FAHD2A: variants seen among roughly 807,000 people sequenced by gnomAD.
FAHD2A encodes oxaloacetate tautomerase FAHD2A, mitochondrial.
FAHD2A carries 27 observed loss-of-function variants against 33.4 expected under a neutral mutation model. The observed-to-expected ratio is 0.81, with a 90% CI of 0.60 to 1.11. FAHD2A has a LOEUF of 1.11. Among genes scored for constraint, FAHD2A ranks in the 50% most tolerant of loss-of-function variants. The pLI, the probability that FAHD2A is intolerant of heterozygous loss-of-function variation, is 0.00. For synonymous variants in FAHD2A, 130 were observed against 153.3 expected, an observed-to-expected ratio of 0.85 and a Z score of 1.12; for missense variants, 296 against 395.0, an observed-to-expected ratio of 0.75 and a Z score of 2.12.
chr2:95,413,592 A>T lies in FAHD2A; in HGVS notation c.*635A>T. 5.2e-6 allele frequency: 8 copies of T among 1,537,116 alleles called. No individual in the cohort carries two copies. The highest frequency in any genetic ancestry group is 6.1e-6 in the Non-Finnish European group (7 of 1,142,742). On this transcript the variant is annotated 3_prime_UTR_variant, in exon 8 of 8. Coordinates refer to ENST00000233379, the MANE Select transcript of FAHD2A (RefSeq NM_016044.3). ...CCTGGGCCATGGAAGATGGGCCGTGAGTGCACTCACCACAGGGACTGTGTC... is the reference window on the plus strand; with the variant it reads ...CCTGGGCCATGGAAGATGGGCCGTGTGTGCACTCACCACAGGGACTGTGTC...
chr2:95,409,784 G>C (rs891417030), intron 3 of FAHD2A, among the ~76,000 whole-genome samples: 2 of 152,204 alleles, frequency 1.3e-5, no homozygotes, highest in African/African-American at 4.8e-5. Flanking sequence ...TTTGGCCAGT[G>C]AGGGGCCTTC....
chr2:95,416,265 C>T lies in FAHD2A; in HGVS notation c.*3308C>T, dbSNP rs1240234507. The T allele has an allele frequency of 6.6e-6, 1 of 152,232 alleles. No individual in the cohort carries two copies. Among genetic ancestry groups the T allele is most frequent in the Non-Finnish European group, 1.5e-5 (1 of 68,066 alleles). The allele number at this position is 152,232 out of a possible 1,614,324, so 9.4% of individuals were successfully genotyped here. On this transcript the variant is annotated 3_prime_UTR_variant, in exon 8 of 8. Transcript: ENST00000233379. ...CTTAAAGTGCCTCTGAGGCCAAAGC[C>T]TTTGTGGCAATTGTCAAATGAGTCC...
At chr2:95,410,499 A>T in intron 3 of FAHD2A, 28 bp from the exon 4 acceptor site, 1 of 1,595,914 alleles carries the variant, frequency 6.3e-7, no homozygotes. Context: ...AAGCCACTGC[A>T]GCTCACTGTT....
intron 3 of FAHD2A, among the ~76,000 whole-genome samples, chr2:95,408,458 C>CA (rs922684900): frequency 4.0e-5 from 6 of 151,608 alleles, no homozygotes; most frequent in African/African-American, 7.3e-5. Context: ...GAGCAATTTA[C>CA]AAAAAAAAGA....
intron 2 of FAHD2A, among the ~76,000 whole-genome samples, chr2:95,406,430 T>A (rs561459418): frequency 7.3e-5 from 11 of 150,686 alleles, no homozygotes; most frequent in African/African-American, 2.0e-4. Context: ...AGACTGGAAA[T>A]CTCCATGCCC....
chr2:95,407,052 C>T lies in FAHD2A; in HGVS notation c.357C>T (p.Cys119=). The T allele has an allele frequency of 7.4e-6, 12 of 1,613,690 alleles. No individual in the cohort carries two copies. The highest frequency in any genetic ancestry group is 1.0e-5 in the Non-Finnish European group (12 of 1,179,860). ...VCVGMNYVDH[C]KEQNVPVPKE... is the part of the protein sequence containing the mutation. ...TGGGCATGAATTATGTGGACCACTG[C>T]AAAGAACAGAACGTGCCCGTGCCCA... Residue 119 remains cysteine (C), a synonymous_variant, in exon 3 of 8, where the codon TGC becomes TGT. Coordinates refer to ENST00000233379, the MANE Select transcript of FAHD2A (RefSeq NM_016044.3).
At chr2:95,408,034 C>CCTT (rs1292326608) in intron 3 of FAHD2A, among the ~76,000 whole-genome samples, 1 of 104,278 alleles carries the variant, frequency 9.6e-6, no homozygotes. Flanking sequence ...GGCAAACACA[C>CCTT]ATTTTTTTTT....
chr2:95,411,113 G>C, intron 5 of FAHD2A, 87 bp downstream of exon 5: 1 of 1,558,880 alleles, frequency 6.4e-7, no homozygotes, highest in South Asian at 1.2e-5. Flanking sequence ...GGTACATGTG[G>C]CACCTGCCCT....
intron 3 of FAHD2A, 89 bp downstream of exon 3, chr2:95,407,246 C>A (rs1173389215): frequency 1.3e-6 from 2 of 1,538,068 alleles, no homozygotes; most frequent in African/African-American, 1.4e-5. Flanking sequence ...AGCCACCTCT[C>A]GCTCAATAGC....
chr2:95,415,725 TACCTC>T lies in FAHD2A; in HGVS notation c.*2770_*2774del, dbSNP rs1683094082. The stretch of plus-strand genomic sequence containing the variant: ...GGCTGGCACCAAGGAGCTGCGAGCT[TACCTC>T]AACTCATCTCACCTCACCATGCCGG... On this transcript the variant is annotated 3_prime_UTR_variant, in exon 8 of 8. Transcript: ENST00000233379. 1 of 152,582 alleles carries T rather than the reference TACCTC, an allele frequency of 6.6e-6. No individual in the cohort carries two copies. Among genetic ancestry groups the T allele is most frequent in the Non-Finnish European group, 1.5e-5 (1 of 68,036 alleles). 9.5% of individuals were successfully genotyped at this position (152,582 alleles called of 1,614,324 possible).
At chr2:95,419,316 A>C (rs1427896360), downstream of FAHD2A, among the ~76,000 whole-genome samples, 5 of 152,098 alleles carry the variant, frequency 3.3e-5, no homozygotes, top group East Asian at 9.6e-4. Context: ...TTTGCTTTTC[A>C]TGGACATACT....
At position 95,415,540 on chromosome 2, in the gene FAHD2A, TATC is replaced by T. The variant is rs1296480768; in HGVS notation, c.*2585_*2587del. On this transcript the variant is annotated 3_prime_UTR_variant, in exon 8 of 8. Transcript: ENST00000233379. ...AACACAAGCTGAATAAATTTATAAA[TATC>T]AGCATTAAGCGAGATTTAACGGGGA... The T allele has an allele frequency of 6.6e-6, 1 of 152,594 alleles. No homozygotes were observed. Among genetic ancestry groups the T allele is most frequent in the African/African-American group, 2.4e-5 (1 of 41,430 alleles). The allele number at this position is 152,594 out of a possible 1,614,324, so 9.5% of individuals were successfully genotyped here.
chr2:95,413,841 T>A lies in FAHD2A; in HGVS notation c.*884T>A, dbSNP rs1404878421. ...AAGACACCAAGTAAATCCCAGGGTC[T>A]TAATGAGGCACCATCAGGCCAGCCC... On this transcript the variant is annotated 3_prime_UTR_variant, in exon 8 of 8. Transcript: ENST00000233379. 1.3e-6 allele frequency: 1 copy of A among 759,040 alleles called. No individual in the cohort carries two copies. The highest frequency in any genetic ancestry group is 2.4e-5 in the East Asian group (1 of 40,966). 47.0% of individuals were successfully genotyped at this position (759,040 alleles called of 1,614,324 possible).
chr2:95,407,381 G>T, intron 3 of FAHD2A: 1 of 642,994 alleles, frequency 1.6e-6, no homozygotes. Flanking sequence ...TAATAAAATA[G>T]AGATAAACAT....
At chr2:95,412,807 G>T (rs962034498) in intron 7 of FAHD2A, 43 bp downstream of exon 7, 1 of 1,614,214 alleles carries the variant, frequency 6.2e-7, no homozygotes. Flanking sequence ...CAAAGGCCTG[G>T]CAGGCTTGCC....
chr2:95,407,358 C>A (rs976587673), intron 3 of FAHD2A: 91 of 701,286 alleles, frequency 1.3e-4, no homozygotes, highest in Non-Finnish European at 2.0e-4. Context: ...AAGCAATGCA[C>A]CTTCACTGTA....
chr2:95,412,235 T>C (rs1682637232), intron 5 of FAHD2A, among the ~76,000 whole-genome samples, 199 bp from the exon 6 acceptor site: 1 of 151,980 alleles, frequency 6.6e-6, no homozygotes, highest in South Asian at 2.1e-4. Context: ...TGCTTGGTGC[T>C]CTTGGTGGGG....
downstream of FAHD2A, among the ~76,000 whole-genome samples, chr2:95,419,729 T>C (rs549766390): frequency 1.3e-3 from 198 of 151,926 alleles, 3 homozygotes; most frequent in Middle Eastern, 3.4e-3. Context: ...ACAGAATTAA[T>C]ACAACGTAGA....
At chr2:95,420,842 G>A (rs898388862), downstream of FAHD2A, among the ~76,000 whole-genome samples, 2 of 151,930 alleles carry the variant, frequency 1.3e-5, no homozygotes, top group African/African-American at 4.8e-5. Context: ...AGTAAAAGAA[G>A]CCTTGTTATT....
Sources: allele counts gnomAD v4.1 joint callset (sites outside exome capture counted in the v4.1 genomes callset), GRCh38; gene constraint gnomAD v4.1.1; transcripts MANE v1.5; gene names NCBI Gene and HGNC (gene_info 2026-07-23, HGNC 2026-07-21).